PIH1D1: variants seen among roughly 807,000 people sequenced by gnomAD.
The protein encoded by PIH1D1 is PIH1 domain containing 1, also known as PIH1 domain-containing protein 1.
In PIH1D1, 28 loss-of-function variants were observed where a neutral mutation model predicts 38.5. The ratio of observed to expected loss-of-function variants is 0.73; its 90% CI spans 0.54 to 1.00. The LOEUF is 1.00. PIH1D1 is among the 50% of genes least tolerant of loss of function. The probability of loss-of-function intolerance (pLI) is 0.00; values close to 1 mark genes in which losing one functional copy is unlikely to be tolerated. For missense variants in PIH1D1, 343 were observed against 369.9 expected, an observed-to-expected ratio of 0.93 and a Z score of 0.60; for synonymous variants, 155 against 153.5, an observed-to-expected ratio of 1.01 and a Z score of -0.07.
At chr19:49,446,910 A>C (rs1188531479) in intron 7 of PIH1D1, 114 bp downstream of exon 7, 9 of 1,124,368 alleles carry the variant, frequency 8.0e-6, no homozygotes, top group Non-Finnish European at 1.2e-5. Context: ...GCCTCCTGGC[A>C]GAGAGGACGC....
rs775747596 is a variant in PIH1D1 at position 49,448,075 on chromosome 19, A to G, written c.338-13T>C. The G allele has an allele frequency of 7.2e-5, 116 of 1,614,012 alleles. No homozygotes were observed. The highest frequency in any genetic ancestry group is 9.7e-5 in the Non-Finnish European group (114 of 1,179,934). ...CATCCCTGGCCTTCTGCGGGGAGAA[A>G]AAGGGGGTGAGGACCCCCCAGCCCT... is the stretch of plus-strand genomic sequence containing the variant. On this transcript the variant is annotated splice_polypyrimidine_tract_variant and intron_variant, in intron 3 of 8. Coordinates refer to ENST00000262265, the MANE Select transcript of PIH1D1 (RefSeq NM_017916.3).
At chr19:49,450,677 A>AACCCCCC in intron 2 of PIH1D1, 105 bp downstream of exon 2, 2 of 353,418 alleles carry the variant, frequency 5.7e-6, no homozygotes. Context: ...GTGTCTGCTC[A>AACCCCCC]CCCCACCCCC....
intron 2 of PIH1D1, among the ~76,000 whole-genome samples, chr19:49,449,956 G>A (rs1255753066): frequency 4.6e-5 from 7 of 151,822 alleles, no homozygotes; most frequent in East Asian, 3.9e-4. Flanking sequence ...CACCACGCCC[G>A]GCTAATTTTC....
At chr19:49,451,363 T>A in intron 1 of PIH1D1, 122 bp downstream of exon 1, 2 of 1,410,132 alleles carry the variant, frequency 1.4e-6, no homozygotes, top group South Asian at 2.5e-5. Flanking sequence ...TTGAAGCCCA[T>A]TAACCTCAAT....
Position 49,450,697 on chromosome 19 carries a change from C to CCTTTTTTTTTT in PIH1D1, c.157+84_157+85insAAAAAAAAAAG. On this transcript the variant is annotated intron_variant, in intron 2 of 8. Coordinates refer to ENST00000262265, the MANE Select transcript of PIH1D1 (RefSeq NM_017916.3). ...TGCTCACCCCACCCCCACCCTAGGCCTTTATTTTCGTGTCTCTTTCCTTCC... is the reference window on the plus strand; with the variant it reads ...TGCTCACCCCACCCCCACCCTAGGCCCTTTTTTTTTTTTTATTTTCGTGTCTCTTTCCTTCC... 4 of 898,886 alleles carry CCTTTTTTTTTT rather than the reference C, an allele frequency of 4.4e-6. No homozygotes were observed. The South Asian group carries it at 6.6e-5, about 15-fold the overall frequency. The allele number at this position is 898,886 out of a possible 1,614,324, so 55.7% of individuals were successfully genotyped here. A position where few individuals can be genotyped will look rare whatever the true frequency, so the allele number is the denominator to read the frequency against.
At chr19:49,447,954 G>C (rs1397309060) in intron 4 of PIH1D1, 46 bp from the exon 5 acceptor site, 36 of 1,613,516 alleles carry the variant, frequency 2.2e-5, no homozygotes, top group Non-Finnish European at 3.1e-5. Flanking sequence ...GGGGAGGGTA[G>C]GGGTAGAGAC....
At position 49,446,426 on chromosome 19, in the gene PIH1D1, G is replaced by A; in HGVS notation, c.832-3C>T. ...AGCGGCATGGCCACCATTAATTGCT[G>A]AGGAGACAGAGCAAAGAGAATGAGG... is the stretch of plus-strand genomic sequence containing the variant. On this transcript the variant is annotated splice_polypyrimidine_tract_variant and splice_region_variant and intron_variant, in intron 8 of 8. Coordinates refer to ENST00000262265, the MANE Select transcript of PIH1D1 (RefSeq NM_017916.3). 9.7e-7 allele frequency: 1 copy of A among 1,030,330 alleles called. No individual in the cohort carries two copies. Among genetic ancestry groups the A allele is most frequent in the Non-Finnish European group, 1.5e-6 (1 of 646,228 alleles). 63.8% of individuals were successfully genotyped at this position (1,030,330 alleles called of 1,614,324 possible). A position where few individuals can be genotyped will look rare whatever the true frequency, so the allele number is the denominator to read the frequency against.
chr19:49,447,787 G>A (rs1238150645), intron 5 of PIH1D1, 40 bp downstream of exon 5: 1 of 1,596,690 alleles, frequency 6.3e-7, no homozygotes, highest in Non-Finnish European at 8.6e-7. Flanking sequence ...AACCGCTCCT[G>A]GCTCCACTCT....
At chr19:49,449,178 G>A in intron 3 of PIH1D1, 1 of 521,476 alleles carries the variant, frequency 1.9e-6, no homozygotes, top group Non-Finnish European at 3.5e-6. Flanking sequence ...AAAAGAAGGA[G>A]ACAGCAGGCT....
chr19:49,449,727 C>G (rs2079046485), intron 2 of PIH1D1, 73 bp from the exon 3 acceptor site: 2 of 1,313,420 alleles, frequency 1.5e-6, no homozygotes, highest in African/African-American at 2.9e-5. Flanking sequence ...TCTCCAGGCT[C>G]TGTCTCTTTT....
Position 49,451,760 on chromosome 19 carries a change from G to A in PIH1D1, c.-186C>T, listed in dbSNP as rs1238519943. The A allele has an allele frequency of 7.1e-7, 1 of 1,409,698 alleles. No homozygotes were observed. The highest frequency in any genetic ancestry group is 2.6e-5 in the East Asian group (1 of 39,006). 87.3% of individuals were successfully genotyped at this position (1,409,698 alleles called of 1,614,324 possible). A position where few individuals can be genotyped will look rare whatever the true frequency, so the allele number is the denominator to read the frequency against. ...ACCGAACACCATCGTCAAATCCGTG[G>A]GGAATATGTGTCTCTAGACGCACTA... On this transcript the variant is annotated 5_prime_UTR_variant, in exon 1 of 9. Transcript: ENST00000262265.
At chr19:49,450,162 G>A (rs756165313) in intron 2 of PIH1D1, among the ~76,000 whole-genome samples, 6 of 151,906 alleles carry the variant, frequency 3.9e-5, no homozygotes, top group South Asian at 2.1e-4. Flanking sequence ...TACGATCTTG[G>A]CTCACCGCAG....
Position 49,450,507 on chromosome 19 carries a change from C to A in PIH1D1, c.157+275G>T, listed in dbSNP as rs111358371. Among the ~76,000 whole-genome samples, 1,035 of 152,272 alleles carry A rather than the reference C, an allele frequency of 6.8e-3. 10 individuals carry two copies. Among genetic ancestry groups the A allele is most frequent in the African/African-American group, 0.023 (967 of 41,538 alleles). On this transcript the variant is annotated intron_variant, in intron 2 of 8. Transcript: ENST00000262265. ...GATCTCCACCCACTGCAACTTCTGC[C>A]TCTTGGGTTCCAGCAATTCTCCTGT... is the stretch of plus-strand genomic sequence containing the variant.
At chr19:49,446,954 C>T (rs1355585304) in intron 7 of PIH1D1, 70 bp downstream of exon 7, 10 of 1,335,816 alleles carry the variant, frequency 7.5e-6, no homozygotes, top group East Asian at 2.3e-5. Flanking sequence ...CCTTGTCACT[C>T]ACACTCAGAG....
intron 7 of PIH1D1, 149 bp from the exon 8 acceptor site, chr19:49,446,843 C>T (rs2079026418): frequency 8.9e-7 from 1 of 1,119,480 alleles, no homozygotes; most frequent in African/African-American, 1.6e-5. Context: ...GTCTCAACGA[C>T]CGAGCACTTA....
intron 1 of PIH1D1, 71 bp downstream of exon 1, chr19:49,451,414 T>TGCA: frequency 1.2e-6 from 2 of 1,602,106 alleles, no homozygotes; most frequent in South Asian, 2.2e-5. Flanking sequence ...TTCTGGGAAC[T>TGCA]GCAGTCCCAT....
At chr19:49,449,729 G>T in intron 2 of PIH1D1, 75 bp from the exon 3 acceptor site, 1 of 1,291,480 alleles carries the variant, frequency 7.7e-7, no homozygotes, top group Non-Finnish European at 1.1e-6. Flanking sequence ...TCCAGGCTCT[G>T]TCTCTTTTCC....
In PIH1D1 at chr19:49,449,360, C is replaced by T. The variant is rs763491906; in HGVS notation, c.337+115G>A. 106 of 947,662 alleles carry T rather than the reference C, an allele frequency of 1.1e-4. 2 individuals are homozygous for T. The South Asian group carries it at 1.2e-3, about 11-fold the overall frequency. The allele number at this position is 947,662 out of a possible 1,614,324, so 58.7% of individuals were successfully genotyped here. ...TCTACCATAGGGAAAAGAATCAGATCGAGGGGCCAGATCTCCAGGAGCTGA... is the reference window on the plus strand; with the variant it reads ...TCTACCATAGGGAAAAGAATCAGATTGAGGGGCCAGATCTCCAGGAGCTGA... On this transcript the variant is annotated intron_variant, in intron 3 of 8. Coordinates refer to ENST00000262265, the MANE Select transcript of PIH1D1 (RefSeq NM_017916.3).
chr19:49,450,697 C>CTT, intron 2 of PIH1D1, 85 bp downstream of exon 2: 3 of 898,886 alleles, frequency 3.3e-6, no homozygotes, highest in South Asian at 4.4e-5. Flanking sequence ...CACCCTAGGC[C>CTT]TTTATTTTCG....
Sources: gnomAD v4.1 joint callset for allele counts (sites outside exome capture counted in the v4.1 genomes callset) on GRCh38, gnomAD v4.1.1 for gene constraint, MANE v1.5 for transcripts, NCBI Gene and HGNC (gene_info 2026-07-23, HGNC 2026-07-21) for gene names.